The following STRN4 variants were observed in gnomAD, a reference collection of about 807,000 sequenced individuals.
The protein encoded by STRN4 is striatin-4.
STRN4 carries 27 observed loss-of-function variants against 77.9 expected under a neutral mutation model. The observed-to-expected ratio is 0.35, with a 90% confidence interval of 0.26 to 0.48. STRN4 has a LOEUF of 0.48. Ranked by LOEUF, STRN4 falls within the 20% of genes least tolerant of loss-of-function variation. The pLI is 0.99. For synonymous variants in STRN4, 466 were observed against 443.1 expected (o/e 1.05, Z -0.65); for missense variants, 798 against 1,049.7 (o/e 0.76, Z 3.31).
chr19:46,740,999 C>T (rs2122388661), intron 1 of STRN4, among the ~76,000 whole-genome samples: 1 of 152,302 alleles, frequency 6.6e-6, no homozygotes, highest in Non-Finnish European at 1.5e-5. Context: ...ATGGCTGCTT[C>T]AGAACCTGTA....
intron 1 of STRN4, among the ~76,000 whole-genome samples, chr19:46,742,718 A>G (rs932018676): frequency 1.8e-4 from 27 of 151,932 alleles, no homozygotes; most frequent in African/African-American, 6.5e-4. Context: ...GCCCACCACC[A>G]CGCCCGACTA....
intron 1 of STRN4, 88 bp downstream of exon 1, chr19:46,746,061 G>A: frequency 2.4e-6 from 3 of 1,251,966 alleles, no homozygotes; most frequent in Non-Finnish European, 3.0e-6. Flanking sequence ...GGCGGCCATT[G>A]CTCCAAGATG....
chr19:46,738,951 A>C lies in STRN4; in HGVS notation c.283-63T>G. On this transcript the variant is annotated intron_variant, in intron 1 of 17. Transcript: ENST00000263280. This position sits in a 1 kb window ranked among gnomAD's most constrained non-coding sequence, Gnocchi z 4.5. ...GCTCAGGCTCAATGCCGGTGTGTCT[A>C]TCACTCACCCAGGTATAGTGCCAGC... The C allele has an allele frequency of 7.1e-7, 1 of 1,412,036 alleles. No individual in the cohort carries two copies. Among genetic ancestry groups the C allele is most frequent in the Non-Finnish European group, 1.0e-6 (1 of 1,004,890 alleles). The allele number at this position is 1,412,036 out of a possible 1,614,324, so 87.5% of individuals were successfully genotyped here. A position where few individuals can be genotyped will look rare whatever the true frequency, so the allele number is the denominator to read the frequency against.
At chr19:46,731,016 C>G in intron 5 of STRN4, 143 bp from the exon 6 acceptor site, 2 of 1,132,278 alleles carry the variant, frequency 1.8e-6, no homozygotes, top group Non-Finnish European at 2.5e-6. Flanking sequence ...TCTGGTCACA[C>G]ACAGAGCCCC....
intron 14 of STRN4, 28 bp from the exon 15 acceptor site, chr19:46,722,368 G>A: frequency 6.2e-7 from 1 of 1,604,982 alleles, no homozygotes; most frequent in Non-Finnish European, 8.5e-7. Context: ...AAGAGGGAAG[G>A]ATGTCAAGCA....
intron 7 of STRN4, chr19:46,728,360 G>T: frequency 1.7e-6 from 1 of 592,164 alleles, no homozygotes; most frequent in Non-Finnish European, 3.0e-6. Context: ...AGAGCTGGAC[G>T]CCCGCCCTGG....
At chr19:46,730,221 C>T (rs892535950) in intron 6 of STRN4, among the ~76,000 whole-genome samples, 2 of 152,178 alleles carry the variant, frequency 1.3e-5, no homozygotes, top group African/African-American at 2.4e-5. Flanking sequence ...ACTTGGGGTG[C>T]GACTCTGTGC....
At chr19:46,746,049 C>A (rs1171797648) in intron 1 of STRN4, 100 bp downstream of exon 1, 60 of 1,200,068 alleles carry the variant, frequency 5.0e-5, no homozygotes, top group Non-Finnish European at 7.4e-6. Flanking sequence ...GCCGGCCGTC[C>A]CGGCGGCCAT....
chr19:46,738,151 A>G lies in STRN4; in HGVS notation c.460+13T>C, dbSNP rs113535376. 3.8e-4 allele frequency: 620 copies of G among 1,613,938 alleles called. 3 individuals are homozygous for G. The African/African-American group carries it at 5.6e-3, about 14-fold the overall frequency. ...GGAGGGTGCCGACAGTGCGAGCATC[A>G]GAGGGTGGGTACCTTGTTCTGACAC... On this transcript the variant is annotated intron_variant, in intron 3 of 17. Coordinates refer to ENST00000263280, the MANE Select transcript of STRN4 (RefSeq NM_013403.3). The surrounding 1 kb of genome is among the most constrained non-coding windows in gnomAD (Gnocchi z 4.5).
In STRN4 at chr19:46,736,874, G is replaced by T. The variant is rs1243295743; in HGVS notation, c.488C>A (p.Thr163Asn). 6.2e-7 allele frequency: 1 copy of T among 1,613,164 alleles called. No individual in the cohort carries two copies. The highest frequency in any genetic ancestry group is 8.5e-7 in the Non-Finnish European group (1 of 1,179,554). ...QVSNGPVESV[T>N]LENSPLVWKE... ...CCACACCAACGGGCTGTTCTCCAGG[G>T]TGACCGATTCCACGGGGCCATTGGA... The change falls in exon 4 of 18, where the codon ACC becomes AAC. Residue 163 changes from threonine to asparagine, a missense_variant. Physicochemically the swap from Thr to Asn is moderately conservative, Grantham distance 65. Coordinates refer to ENST00000263280, the MANE Select transcript of STRN4 (RefSeq NM_013403.3).
Position 46,738,025 on chromosome 19 carries a change from T to G in STRN4, c.460+139A>C. 1 of 849,290 alleles carries G rather than the reference T, an allele frequency of 1.2e-6. No homozygotes were observed. The highest frequency in any genetic ancestry group is 1.9e-6 in the Non-Finnish European group (1 of 515,900). 52.6% of individuals were successfully genotyped at this position (849,290 alleles called of 1,614,324 possible). On this transcript the variant is annotated intron_variant, in intron 3 of 17. Transcript: ENST00000263280. The surrounding 1 kb of genome is among the most constrained non-coding windows in gnomAD (Gnocchi z 4.5). ...ATAGGGAGGGCTCTGAGAGTGAGAT[T>G]CCGCCCCTCCCCAGCCCCGGGGCCG...
rs1421036149 is a variant in STRN4, at chr19:46,736,804, C to G, written c.539+19G>C. 6.2e-7 allele frequency: 1 copy of G among 1,611,672 alleles called. No individual in the cohort carries two copies. ...AAACGTGTCACGTGTCCCCAGCCCC[C>G]CTCCCCGAGCACACTCACTGTCGGA... On this transcript the variant is annotated intron_variant, in intron 4 of 17. Coordinates refer to ENST00000263280, the MANE Select transcript of STRN4 (RefSeq NM_013403.3).
intron 16 of STRN4, chr19:46,721,155 T>G: frequency 5.9e-6 from 1 of 169,202 alleles, no homozygotes; most frequent in Non-Finnish European, 1.3e-5. Flanking sequence ...GCAGGGAGCC[T>G]TCCAGGCAGA....
intron 1 of STRN4, among the ~76,000 whole-genome samples, chr19:46,744,171 T>C (rs1347934655): frequency 6.6e-6 from 1 of 152,192 alleles, no homozygotes; most frequent in African/African-American, 2.4e-5. Context: ...GTACCGTTAT[T>C]GCTGAGTGAG....
At position 46,720,744 on chromosome 19, in the gene STRN4, C is replaced by T. The variant is rs1248783495; in HGVS notation, c.2120G>A (p.Ser707Asn). 1 of 1,603,074 alleles carries T rather than the reference C, an allele frequency of 6.2e-7. No individual in the cohort carries two copies. Among genetic ancestry groups the T allele is most frequent in the African/African-American group, 1.3e-5 (1 of 74,818 alleles). ...GSHDCSLRLW[S>N]LDNKTCVQEI... Reference sequence around the variant, plus strand: ...CTGCACGCACGTTTTGTTGTCCAGGCTCCAGAGACGCAGGGAGCAGTCATG... The same window carrying T: ...CTGCACGCACGTTTTGTTGTCCAGGTTCCAGAGACGCAGGGAGCAGTCATG... Residue 707 changes from serine (S) to asparagine (N), a missense_variant, in exon 17 of 18, where the codon AGC becomes AAC. Physicochemically the swap from Ser to Asn is conservative, Grantham distance 46. This residue lies in a region of STRN4 where 287 missense variants were observed against 473.8 expected (regional missense o/e 0.61). Coordinates refer to ENST00000263280, the MANE Select transcript of STRN4 (RefSeq NM_013403.3).
chr19:46,746,033 C>T (rs1255989752), intron 1 of STRN4, 116 bp downstream of exon 1: 3 of 1,216,986 alleles, frequency 2.5e-6, no homozygotes, highest in Non-Finnish European at 3.1e-6. Context: ...CCCCTCCCGC[C>T]CCCCCGCCGG....
intron 1 of STRN4, among the ~76,000 whole-genome samples, chr19:46,740,724 G>A (rs116376972): frequency 3.9e-4 from 59 of 152,218 alleles, no homozygotes; most frequent in African/African-American, 1.4e-3. Context: ...GTAAGGCGCT[G>A]GGGAATAACA....
chr19:46,724,048 G>A lies in STRN4; in HGVS notation c.1594+759C>T, dbSNP rs1465597415. ...GGATCACCTGAGGTCCGGAGTTCAA[G>A]ACCAGCCTGGTCAACGTGGTGCAAC... is the stretch of plus-strand genomic sequence containing the variant. On this transcript the variant is annotated intron_variant, in intron 12 of 17. Coordinates refer to ENST00000263280, the MANE Select transcript of STRN4 (RefSeq NM_013403.3). Among the ~76,000 whole-genome samples, 4 of 152,028 alleles carry A rather than the reference G, an allele frequency of 2.6e-5. No homozygotes were observed. In the East Asian group the frequency reaches 5.8e-4, roughly 22 times the overall value.
intron 1 of STRN4, among the ~76,000 whole-genome samples, chr19:46,743,697 C>T (rs1383461195): frequency 1.3e-5 from 2 of 152,128 alleles, no homozygotes; most frequent in East Asian, 3.9e-4. Flanking sequence ...GCCAGGAGTT[C>T]GAAACCAGCC....
Sources: allele counts gnomAD v4.1 joint callset (sites outside exome capture counted in the v4.1 genomes callset), GRCh38; gene constraint gnomAD v4.1.1; regional missense constraint gnomAD v4.1.1; non-coding constraint Gnocchi (gnomAD v3.1); transcripts MANE v1.5; gene names NCBI Gene and HGNC (gene_info 2026-07-23, HGNC 2026-07-21).